CDH18: variants seen among roughly 807,000 people sequenced by gnomAD.
CDH18 encodes the protein cadherin-18.
A neutral mutation model predicts 67.9 loss-of-function variants in CDH18; 31 were observed. The ratio of observed to expected loss-of-function variants is 0.46; its 90% CI spans 0.34 to 0.62. The LOEUF is 0.62. CDH18 is among the 20% of genes least tolerant of loss of function. The pLI is 0.01. For synonymous variants in CDH18, 362 were observed against 347.2 expected (o/e 1.04, Z -0.48); for missense variants, 890 against 975.5 (o/e 0.91, Z 1.17).
intron 3 of CDH18, among the ~76,000 whole-genome samples, chr5:19,800,924 G>T (rs903188789): frequency 6.6e-6 from 1 of 152,104 alleles, no homozygotes. Flanking sequence ...TCCGCGACCA[G>T]CCTGGGCAAC....
intron 11 of CDH18, among the ~76,000 whole-genome samples, chr5:19,489,411 CTAA>C (rs1220459404): frequency 6.6e-6 from 1 of 151,838 alleles, no homozygotes; most frequent in Non-Finnish European, 1.5e-5. Flanking sequence ...CCACACCTGG[CTAA>C]TGTTTTGTAT....
intron 12 of CDH18, 83 bp from the exon 13 acceptor site, chr5:19,473,799 T>G: frequency 8.4e-7 from 1 of 1,194,380 alleles, no homozygotes. Flanking sequence ...ATTTCCCATT[T>G]TCCCATTCGT....
At position 20,433,277 on chromosome 5, in the gene CDH18, T is replaced by G. The variant is rs532356228; in HGVS notation, c.-580+142185A>C. On this transcript the variant is annotated intron_variant, in intron 1 of 14. Coordinates refer to the CDH18 transcript ENST00000507958. ...AATATATGTGTGTGTGTGTGTATAT[T>G]TATATATACATATATGTTTAATTGT... is the stretch of plus-strand genomic sequence containing the variant. Among the ~76,000 whole-genome samples, 8 of 151,770 alleles carry G rather than the reference T, an allele frequency of 5.3e-5. No individual in the cohort carries two copies. The South Asian group carries it at 1.5e-3, about 28-fold the overall frequency.
intron 1 of CDH18, among the ~76,000 whole-genome samples, chr5:20,453,941 A>T (rs1750660542): frequency 6.6e-6 from 1 of 152,172 alleles, no homozygotes; most frequent in African/African-American, 2.4e-5. Context: ...GAAGGGAGAT[A>T]AAAATTAATA....
intron 2 of CDH18, among the ~76,000 whole-genome samples, chr5:20,116,799 A>G (rs1274716673): frequency 6.6e-6 from 1 of 152,190 alleles, no homozygotes; most frequent in Non-Finnish European, 1.5e-5. Flanking sequence ...GACTTAACTA[A>G]AGGGAATAAG....
At chr5:19,610,405 C>T (rs1748759781) in intron 6 of CDH18, among the ~76,000 whole-genome samples, 1 of 151,852 alleles carries the variant, frequency 6.6e-6, no homozygotes, top group Admixed American at 6.6e-5. Context: ...AATAATATTC[C>T]TTATATCCAT....
At chr5:20,129,032 G>T (rs770215477) in intron 2 of CDH18, among the ~76,000 whole-genome samples, 1 of 151,858 alleles carries the variant, frequency 6.6e-6, no homozygotes, top group Non-Finnish European at 1.5e-5. Flanking sequence ...AACACAATAA[G>T]GTACTCAATC....
chr5:20,436,793 C>G (rs1749198322), intron 1 of CDH18, among the ~76,000 whole-genome samples: 2 of 147,628 alleles, frequency 1.4e-5, no homozygotes, highest in African/African-American at 5.0e-5. Flanking sequence ...AAGAATTTGA[C>G]AGATGCCAAA....
At chr5:20,471,153 C>A (rs1752035784) in intron 1 of CDH18, among the ~76,000 whole-genome samples, 1 of 151,858 alleles carries the variant, frequency 6.6e-6, no homozygotes, top group South Asian at 2.1e-4. Context: ...GTGGGCTCCA[C>A]TGCTAAGAGC....
At chr5:19,766,818 T>C (rs1357780803) in intron 3 of CDH18, among the ~76,000 whole-genome samples, 1 of 152,146 alleles carries the variant, frequency 6.6e-6, no homozygotes, top group Non-Finnish European at 1.5e-5. Flanking sequence ...GTGAAGTTGC[T>C]TCTGAACTTC....
intron 2 of CDH18, among the ~76,000 whole-genome samples, chr5:19,903,089 T>G (rs753161832): frequency 7.2e-5 from 11 of 151,970 alleles, no homozygotes; most frequent in Non-Finnish European, 1.3e-4. Context: ...CACAGTTTAT[T>G]TTGGAATAAT....
chr5:20,019,092 C>T lies in CDH18; in HGVS notation c.-517-27078G>A, dbSNP rs900907896. On this transcript the variant is annotated intron_variant, in intron 2 of 14. Coordinates refer to the CDH18 transcript ENST00000507958. ...GATTACAGGCGTGAGCCACCGCGCC[C>T]GGCCTAATAAGGCATTCTTAATGAA... is the stretch of plus-strand genomic sequence containing the variant. Among the ~76,000 whole-genome samples the T allele has an allele frequency of 2.4e-4, 34 of 142,330 alleles. 1 individual carries two copies. The highest frequency in any genetic ancestry group is 8.8e-4 in the African/African-American group (32 of 36,530). The allele number at this position is 142,330 out of a possible 152,430, so 93.4% of individuals were successfully genotyped here.
At chr5:19,873,510 G>C (rs1786563946) in intron 2 of CDH18, among the ~76,000 whole-genome samples, 1 of 152,038 alleles carries the variant, frequency 6.6e-6, no homozygotes, top group African/African-American at 2.4e-5. Flanking sequence ...AAGGCACATA[G>C]AATGAAATCC....
At chr5:19,835,713 A>T (rs1270341839) in intron 3 of CDH18, among the ~76,000 whole-genome samples, 6 of 152,118 alleles carry the variant, frequency 3.9e-5, no homozygotes, top group Non-Finnish European at 7.4e-5. Flanking sequence ...AATCTGTACA[A>T]TTAAGTTAGA....
chr5:19,603,538 C>T (rs970848106), intron 6 of CDH18, among the ~76,000 whole-genome samples: 1 of 151,276 alleles, frequency 6.6e-6, no homozygotes, highest in African/African-American at 2.4e-5. Context: ...TTTTTAACTA[C>T]AAAAAATAAA....
chr5:20,533,225 C>T (rs752290199), intron 1 of CDH18, among the ~76,000 whole-genome samples: 2 of 152,078 alleles, frequency 1.3e-5, no homozygotes, highest in Non-Finnish European at 2.9e-5. Flanking sequence ...AGAGCAGATA[C>T]TTTCAGAGCC....
At chr5:19,956,811 T>A (rs1297172638) in intron 2 of CDH18, among the ~76,000 whole-genome samples, 1 of 151,872 alleles carries the variant, frequency 6.6e-6, no homozygotes, top group African/African-American at 2.4e-5. Context: ...ATCACTGTAT[T>A]AGAAAAATGT....
At chr5:19,498,585 C>T (rs398748) in intron 11 of CDH18, among the ~76,000 whole-genome samples, 1 of 152,000 alleles carries the variant, frequency 6.6e-6, no homozygotes, top group Non-Finnish European at 1.5e-5. Context: ...GTTAGTTTCG[C>T]TATCTTCCAT....
chr5:20,127,070 T>C (rs943338769), intron 2 of CDH18, among the ~76,000 whole-genome samples: 1 of 152,162 alleles, frequency 6.6e-6, no homozygotes, highest in Non-Finnish European at 1.5e-5. Context: ...TCACATAGAA[T>C]TGCAATCCCC....
Sources: gnomAD v4.1 joint callset for allele counts (sites outside exome capture counted in the v4.1 genomes callset) on GRCh38, gnomAD v4.1.1 for gene constraint, MANE v1.5 for transcripts, NCBI Gene and HGNC (gene_info 2026-07-23, HGNC 2026-07-21) for gene names.